Variants in MARCHF1 observed in about 807,000 individuals in gnomAD.
MARCHF1 encodes membrane associated ring-CH-type finger 1.
MARCHF1 carries 40 observed loss-of-function variants against 54.2 expected under a neutral mutation model. The observed-to-expected ratio is 0.74, with a 90% confidence interval of 0.57 to 0.96. The LOEUF (loss-of-function observed/expected upper bound fraction) is 0.96, where lower values mean the gene tolerates loss of function less well. Ranked by LOEUF, MARCHF1 falls within the 40% of genes least tolerant of loss-of-function variation. The pLI is 0.00. For missense variants in MARCHF1, 586 were observed against 656.5 expected (o/e 0.89, Z 1.17); for synonymous variants, 236 against 236.3 (o/e 1.00, Z 0.01).
intron 1 of MARCHF1, among the ~76,000 whole-genome samples, chr4:164,291,623 G>C (rs12505822): frequency 0.03 from 4,625 of 152,020 alleles, 188 homozygotes; most frequent in East Asian, 0.16. Context: ...TCCATACCCA[G>C]GATATATGGT....
intron 5 of MARCHF1, among the ~76,000 whole-genome samples, chr4:163,664,522 C>T (rs530460187): frequency 1.6e-4 from 25 of 152,104 alleles, no homozygotes; most frequent in South Asian, 1.5e-3. Context: ...AGTCAGTGCC[C>T]CACCTACAGA....
intron 7 of MARCHF1, among the ~76,000 whole-genome samples, chr4:163,591,228 T>C (rs2110847275): frequency 6.6e-6 from 1 of 152,176 alleles, no homozygotes; most frequent in Non-Finnish European, 1.5e-5. Flanking sequence ...TTGCATTCTC[T>C]ATATTAAAGT....
chr4:163,799,072 A>C (rs1748005907), intron 4 of MARCHF1, among the ~76,000 whole-genome samples: 1 of 152,154 alleles, frequency 6.6e-6, no homozygotes, highest in African/African-American at 2.4e-5. Flanking sequence ...AATGACTGCC[A>C]CACATGGCTA....
intron 5 of MARCHF1, among the ~76,000 whole-genome samples, chr4:163,618,318 G>C (rs1344559930): frequency 6.6e-6 from 1 of 152,086 alleles, no homozygotes; most frequent in Non-Finnish European, 1.5e-5. Flanking sequence ...TTGCTTGGCT[G>C]CACACAGGCA....
intron 7 of MARCHF1, among the ~76,000 whole-genome samples, chr4:163,601,221 A>G (rs1740952697): frequency 6.6e-6 from 1 of 152,194 alleles, no homozygotes; most frequent in East Asian, 1.9e-4. Flanking sequence ...TCTTCAAGCT[A>G]TATATAAATT....
At chr4:163,756,602 A>G (rs1439590944) in intron 4 of MARCHF1, among the ~76,000 whole-genome samples, 1 of 134,370 alleles carries the variant, frequency 7.4e-6, no homozygotes, top group Non-Finnish European at 1.5e-5. Context: ...ACTGTACTCC[A>G]GCCTGGGCGA....
chr4:164,310,996 T>A (rs895121617), intron 1 of MARCHF1, among the ~76,000 whole-genome samples: 2 of 152,168 alleles, frequency 1.3e-5, no homozygotes, highest in Admixed American at 1.3e-4. Context: ...TTCCTTCTTA[T>A]GATGCTCTTA....
chr4:163,716,341 C>T (rs908469687), intron 4 of MARCHF1, among the ~76,000 whole-genome samples: 4 of 152,120 alleles, frequency 2.6e-5, no homozygotes, highest in African/African-American at 9.7e-5. Context: ...GTACGGTGTA[C>T]CTTGCAAATT....
chr4:163,793,211 C>G (rs796498714), intron 4 of MARCHF1, among the ~76,000 whole-genome samples: 15 of 152,286 alleles, frequency 9.8e-5, no homozygotes, highest in African/African-American at 3.6e-4. Flanking sequence ...CAAGTTGCCA[C>G]GGCAATGCAA....
chr4:163,636,702 A>T (rs1360075269), intron 5 of MARCHF1, among the ~76,000 whole-genome samples: 3 of 152,094 alleles, frequency 2.0e-5, no homozygotes, highest in Non-Finnish European at 4.4e-5. Context: ...TGCCATCCCC[A>T]TCAAGCTACC....
In MARCHF1 at chr4:163,611,647, G is replaced by A. The variant is rs971847221; in HGVS notation, c.1010+624C>T. Among the ~76,000 whole-genome samples the A allele has an allele frequency of 4.6e-5, 7 of 152,034 alleles. No homozygotes were observed. The East Asian group carries it at 9.7e-4, about 21-fold the overall frequency. ...CTGTTGAGTTAAAAAGAGCAAGAAC[G>A]CTGCCACATAGCTAGAAAATATCCA... is the stretch of plus-strand genomic sequence containing the variant. On this transcript the variant is annotated intron_variant, in intron 7 of 9. Coordinates refer to ENST00000514618, the MANE Select transcript of MARCHF1 (RefSeq NM_001394959.1).
chr4:163,574,112 T>C (rs1739951382), intron 8 of MARCHF1, among the ~76,000 whole-genome samples: 1 of 152,170 alleles, frequency 6.6e-6, no homozygotes, highest in Admixed American at 6.5e-5. Flanking sequence ...AAATGTCTTC[T>C]TTTGAGAAGT....
chr4:164,035,647 T>C (rs200159874), intron 2 of MARCHF1, among the ~76,000 whole-genome samples: 4 of 113,126 alleles, frequency 3.5e-5, no homozygotes, highest in Non-Finnish European at 6.0e-5. Context: ...AAAAAAAAAA[T>C]CAGAAACAAA....
At chr4:164,198,730 A>G (rs920873362) in intron 1 of MARCHF1, among the ~76,000 whole-genome samples, 10 of 152,100 alleles carry the variant, frequency 6.6e-5, no homozygotes, top group Non-Finnish European at 1.3e-4. Flanking sequence ...AGTGAATAAC[A>G]TTTTTTGCTT....
intron 1 of MARCHF1, among the ~76,000 whole-genome samples, chr4:164,349,571 T>A (rs1046778621): frequency 1.3e-5 from 2 of 152,188 alleles, no homozygotes; most frequent in Non-Finnish European, 2.9e-5. Flanking sequence ...AGTTTTCATG[T>A]CCTTTTATGG....
chr4:163,916,958 C>T (rs1248197518), intron 3 of MARCHF1, among the ~76,000 whole-genome samples: 1 of 152,120 alleles, frequency 6.6e-6, no homozygotes, highest in Non-Finnish European at 1.5e-5. Context: ...TATAGGATCA[C>T]ACAGAGTAGT....
chr4:164,008,719 A>G (rs1753351679), intron 2 of MARCHF1, among the ~76,000 whole-genome samples: 1 of 152,262 alleles, frequency 6.6e-6, no homozygotes, highest in South Asian at 2.1e-4. Context: ...TTTAAACAAC[A>G]TACTTCTGAA....
At chr4:163,802,322 GCT>G (rs1748104630) in intron 4 of MARCHF1, among the ~76,000 whole-genome samples, 1 of 152,012 alleles carries the variant, frequency 6.6e-6, no homozygotes, top group Non-Finnish European at 1.5e-5. Context: ...ACTTTAAATT[GCT>G]AATGTGGAGA....
chr4:164,330,142 C>T (rs1735392606), intron 1 of MARCHF1: 1 of 151,332 alleles, frequency 6.6e-6, no homozygotes, highest in Non-Finnish European at 1.5e-5. Context: ...TCTAAAGCCA[C>T]CTGACCAAAT....
Sources: allele counts gnomAD v4.1 joint callset (sites outside exome capture counted in the v4.1 genomes callset), GRCh38; gene constraint gnomAD v4.1.1; transcripts MANE v1.5; gene names NCBI Gene and HGNC (gene_info 2026-07-23, HGNC 2026-07-21).